MAGI2: variants seen among roughly 807,000 people sequenced by gnomAD.
The protein encoded by MAGI2 is membrane associated guanylate kinase, WW and PDZ domain containing 2.
A neutral mutation model predicts 133.3 loss-of-function variants in MAGI2; 35 were observed. That is an observed-to-expected ratio of 0.26 (90% CI 0.20 to 0.35). The LOEUF is 0.35. Among genes scored for constraint, MAGI2 ranks in the 10% least tolerant of loss-of-function variants. The pLI is 1.00. For missense variants in MAGI2, 1,636 were observed against 1,863.4 expected, an observed-to-expected ratio of 0.88 and a Z score of 2.25; for synonymous variants, 729 against 710.6, an observed-to-expected ratio of 1.03 and a Z score of -0.41.
chr7:78,509,311 T>C (rs759673255), intron 4 of MAGI2: 4 of 152,216 alleles, frequency 2.6e-5, no homozygotes, highest in Non-Finnish European at 4.4e-5. Context: ...TATAGTCTTA[T>C]AAACAATGAT....
chr7:78,731,844 A>G (rs746094853), intron 2 of MAGI2, among the ~76,000 whole-genome samples: 14 of 152,126 alleles, frequency 9.2e-5, no homozygotes, highest in Non-Finnish European at 1.6e-4. Context: ...ACCCTTTAGG[A>G]TCTGACAAAA....
chr7:79,387,093 C>CTT lies in MAGI2; in HGVS notation c.301+65925_301+65926dup, dbSNP rs1045394250. On this transcript the variant is annotated intron_variant, in intron 1 of 21. Coordinates refer to ENST00000354212, the MANE Select transcript of MAGI2 (RefSeq NM_012301.4). ...CAGAGATGGCTCACAAATTTTTATG[C>CTT]TTGTGTGTGTGTGTGTGTGTGTGTG... Among the ~76,000 whole-genome samples, 14 of 73,806 alleles carry CTT rather than the reference C, an allele frequency of 1.9e-4. No homozygotes were observed. The East Asian group carries it at 6.3e-3, about 33-fold the overall frequency. 48.4% of individuals were successfully genotyped at this position (73,806 alleles called of 152,430 possible). A position where few individuals can be genotyped will look rare whatever the true frequency, so the allele number is the denominator to read the frequency against.
chr7:79,400,865 C>T (rs554975074), intron 1 of MAGI2, among the ~76,000 whole-genome samples: 1 of 152,086 alleles, frequency 6.6e-6, no homozygotes, highest in Non-Finnish European at 1.5e-5. Flanking sequence ...TGATGTTGAG[C>T]AGTTTTTTAG....
chr7:78,488,070 G>A (rs7784056), intron 6 of MAGI2, among the ~76,000 whole-genome samples: 4 of 151,762 alleles, frequency 2.6e-5, no homozygotes, highest in Admixed American at 6.6e-5. Context: ...CTGTAAAAAC[G>A]GTCCGATAAT....
chr7:79,404,173 T>G (rs926327416), intron 1 of MAGI2, among the ~76,000 whole-genome samples: 3 of 152,188 alleles, frequency 2.0e-5, no homozygotes, highest in Non-Finnish European at 4.4e-5. Flanking sequence ...TCACTCCTAA[T>G]TTTTCTACCT....
rs562538732 is a variant in MAGI2 at position 78,937,104 on chromosome 7, G to A, written c.418+69986C>T. ...AAAAAATACTAGATGAACCTAGAAT[G>A]GCTTTCAGTGCCAGAAAATATAAAC... is the stretch of plus-strand genomic sequence containing the variant. On this transcript the variant is annotated intron_variant, in intron 2 of 21. Transcript: ENST00000354212. Among the ~76,000 whole-genome samples, 7 of 151,964 alleles carry A rather than the reference G, an allele frequency of 4.6e-5. No homozygotes were observed. The South Asian group carries it at 1.5e-3, about 32-fold the overall frequency.
intron 6 of MAGI2, among the ~76,000 whole-genome samples, chr7:78,386,284 G>A (rs1329789132): frequency 1.3e-5 from 2 of 152,076 alleles, no homozygotes; most frequent in Non-Finnish European, 2.9e-5. Context: ...AAAAAAAGTA[G>A]AGGATTTGGA....
At chr7:78,992,343 C>A (rs1805871197) in intron 2 of MAGI2, among the ~76,000 whole-genome samples, 1 of 151,972 alleles carries the variant, frequency 6.6e-6, no homozygotes, top group Non-Finnish European at 1.5e-5. Context: ...CAGCACCCAG[C>A]CACTCATGTG....
At chr7:78,212,772 G>T (rs970310597) in intron 10 of MAGI2, among the ~76,000 whole-genome samples, 1 of 152,144 alleles carries the variant, frequency 6.6e-6, no homozygotes, top group Non-Finnish European at 1.5e-5. Context: ...TGACTTACTG[G>T]GCTCAGATGA....
At chr7:78,324,144 A>ACTACACT (rs1788308101) in intron 9 of MAGI2, among the ~76,000 whole-genome samples, 1 of 135,896 alleles carries the variant, frequency 7.4e-6, no homozygotes, top group Middle Eastern at 3.3e-3. Context: ...ACTACACTAC[A>ACTACACT]CTACACTACA....
chr7:78,808,499 G>A (rs898824218), intron 2 of MAGI2, among the ~76,000 whole-genome samples: 5 of 152,130 alleles, frequency 3.3e-5, no homozygotes, highest in South Asian at 2.1e-4. Context: ...CTCGTGATCC[G>A]CCCGCCTCGG....
intron 2 of MAGI2, among the ~76,000 whole-genome samples, chr7:78,995,085 G>A (rs978810712): frequency 2.0e-5 from 3 of 151,986 alleles, no homozygotes; most frequent in Non-Finnish European, 4.4e-5. Flanking sequence ...TTGCAGGGAT[G>A]TCCAATCTTT....
intron 2 of MAGI2, among the ~76,000 whole-genome samples, chr7:78,863,360 C>T (rs1244752824): frequency 1.3e-5 from 2 of 152,186 alleles, no homozygotes; most frequent in Non-Finnish European, 2.9e-5. Flanking sequence ...AAGCCTCAGG[C>T]TGTGTCCACT....
intron 2 of MAGI2, among the ~76,000 whole-genome samples, chr7:78,938,339 G>T (rs1191037410): frequency 6.6e-6 from 1 of 151,998 alleles, no homozygotes; most frequent in Non-Finnish European, 1.5e-5. Flanking sequence ...TCAAAGTTGT[G>T]TTCTTGACAA....
chr7:78,250,668 T>A (rs1792292491), intron 10 of MAGI2, among the ~76,000 whole-genome samples: 1 of 151,828 alleles, frequency 6.6e-6, no homozygotes, highest in African/African-American at 2.4e-5. Flanking sequence ...ATTATAAAAA[T>A]TTCTAGAAAT....
At chr7:78,362,037 C>T (rs1792874310) in intron 7 of MAGI2, among the ~76,000 whole-genome samples, 1 of 152,196 alleles carries the variant, frequency 6.6e-6, no homozygotes, top group African/African-American at 2.4e-5. Flanking sequence ...TTCGGTGGCT[C>T]ATGTCTGTAA....
intron 21 of MAGI2, among the ~76,000 whole-genome samples, chr7:78,058,541 G>A (rs1812895029): frequency 1.3e-5 from 2 of 149,256 alleles, no homozygotes; most frequent in Middle Eastern, 3.3e-3. Flanking sequence ...GCGTGATCTC[G>A]GCTCACTGCA....
chr7:78,309,407 G>T (rs1351063831), intron 9 of MAGI2, among the ~76,000 whole-genome samples: 8 of 152,186 alleles, frequency 5.3e-5, no homozygotes, highest in Admixed American at 6.5e-5. Context: ...TGTAGCTAGA[G>T]GGCATTATCC....
At chr7:78,270,727 C>A (rs968331822) in intron 9 of MAGI2, among the ~76,000 whole-genome samples, 11 of 151,948 alleles carry the variant, frequency 7.2e-5, no homozygotes, top group Non-Finnish European at 1.6e-4. Context: ...ATTAGACAGA[C>A]CAACGAGACA....
Sources: gnomAD v4.1 joint callset for allele counts (sites outside exome capture counted in the v4.1 genomes callset) on GRCh38, gnomAD v4.1.1 for gene constraint, MANE v1.5 for transcripts, NCBI Gene and HGNC (gene_info 2026-07-23, HGNC 2026-07-21) for gene names.